The following MAP2 variants were observed in gnomAD, a reference collection of about 807,000 sequenced individuals.
MAP2 encodes the protein microtubule-associated protein 2.
A neutral mutation model predicts 137.6 loss-of-function variants in MAP2; 14 were observed. The ratio of observed to expected loss-of-function variants is 0.10; its 90% confidence interval spans 0.07 to 0.16. The LOEUF (loss-of-function observed/expected upper bound fraction) is 0.16, where lower values mean the gene tolerates loss of function less well. Among genes scored for constraint, MAP2 ranks in the 10% least tolerant of loss-of-function variants. The pLI is 1.00. For synonymous variants in MAP2, 786 were observed against 782.3 expected, an observed-to-expected ratio of 1.00 and a Z score of -0.08; for missense variants, 2,088 against 2,191.5, an observed-to-expected ratio of 0.95 and a Z score of 0.94.
intron 5 of MAP2, among the ~76,000 whole-genome samples, chr2:209,669,962 G>A (rs2048084043): frequency 6.6e-6 from 1 of 151,914 alleles, no homozygotes; most frequent in African/African-American, 2.4e-5. Context: ...CTTTAGCAAT[G>A]TGATGTATTT....
chr2:209,688,690 G>A (rs1397022936), intron 7 of MAP2, among the ~76,000 whole-genome samples: 1 of 152,118 alleles, frequency 6.6e-6, no homozygotes, highest in Non-Finnish European at 1.5e-5. Context: ...ATAAGTAGGT[G>A]ATGGGCTGCA....
At chr2:209,581,418 C>A (rs994850207) in intron 3 of MAP2, among the ~76,000 whole-genome samples, 1 of 152,130 alleles carries the variant, frequency 6.6e-6, no homozygotes, top group African/African-American at 2.4e-5. Flanking sequence ...AAAGCTAATA[C>A]TAGTCTTGAG....
At chr2:209,580,344 T>G (rs946658170) in intron 3 of MAP2, among the ~76,000 whole-genome samples, 2 of 152,206 alleles carry the variant, frequency 1.3e-5, no homozygotes, top group Non-Finnish European at 2.9e-5. Context: ...TCAACATGTT[T>G]GGCTTATTTG....
At position 209,458,567 on chromosome 2, in the gene MAP2, G is replaced by A. The variant is rs867136115; in HGVS notation, c.-222+34291G>A. Among the ~76,000 whole-genome samples, 8 of 152,206 alleles carry A rather than the reference G, an allele frequency of 5.3e-5. 1 individual carries two copies. The South Asian group carries it at 1.2e-3, about 24-fold the overall frequency. On this transcript the variant is annotated intron_variant, in intron 1 of 15. Transcript: ENST00000682079. ...TGCCTATTGAGAGATAGTTGAGACT[G>A]CCTAAAGGGGATGGTCACTGTATTT...
chr2:209,690,088 T>A lies in MAP2; in HGVS notation c.455-2537T>A, dbSNP rs969865792. 1.1e-4 allele frequency among the ~76,000 whole-genome samples: 16 copies of A among 152,292 alleles called. No individual in the cohort carries two copies. The South Asian group carries it at 1.2e-3, about 12-fold the overall frequency. On this transcript the variant is annotated intron_variant, in intron 7 of 15. Transcript: ENST00000682079. The stretch of plus-strand genomic sequence containing the variant: ...GCAAGGCTTTTTTTATTCCCAAAGA[T>A]TTCTTTAGCAAAATTTGCACATTTT...
chr2:209,591,307 T>G (rs895322884), intron 3 of MAP2, among the ~76,000 whole-genome samples: 7 of 152,210 alleles, frequency 4.6e-5, no homozygotes, highest in Non-Finnish European at 1.0e-4. Context: ...TGACATCTAA[T>G]GATTAGAGGT....
chr2:209,536,280 A>G (rs1205491272), intron 2 of MAP2, among the ~76,000 whole-genome samples: 2 of 152,196 alleles, frequency 1.3e-5, no homozygotes, highest in South Asian at 2.1e-4. Context: ...CTGTCATATT[A>G]TTATTATTGT....
intron 7 of MAP2, among the ~76,000 whole-genome samples, chr2:209,687,417 G>A (rs2057369846): frequency 1.3e-5 from 2 of 151,876 alleles, no homozygotes; most frequent in Admixed American, 6.6e-5. Flanking sequence ...TGGTTATTCT[G>A]ACTTGTTTGA....
At chr2:209,674,096 T>G (rs1189956625) in intron 5 of MAP2, among the ~76,000 whole-genome samples, 1 of 151,742 alleles carries the variant, frequency 6.6e-6, no homozygotes, top group Admixed American at 6.6e-5. Context: ...TTCTCTCATA[T>G]CTTTGCCTTG....
At position 209,540,630 on chromosome 2, in the gene MAP2, C is replaced by CAAAAAAAAAAA. The variant is rs749183996; in HGVS notation, c.-172+33011_-172+33021dup. On this transcript the variant is annotated intron_variant, in intron 2 of 15. Transcript: ENST00000682079. ...TGCGTGACTGAGTGAGACTCCGTCT[C>CAAAAAAAAAAA]AAAAAAAAAAAAAAAAAAAAAAAAA... Among the ~76,000 whole-genome samples the CAAAAAAAAAAA allele has an allele frequency of 1.9e-3, 53 of 27,590 alleles. 2 individuals carry two copies. Among genetic ancestry groups the CAAAAAAAAAAA allele is most frequent in the South Asian group, 6.6e-3 (3 of 452 alleles). 18.1% of individuals were successfully genotyped at this position (27,590 alleles called of 152,430 possible).
rs1374674964 is a variant in MAP2 at position 209,593,635 on chromosome 2, ATATATAT to A, written c.-107+13536_-107+13542del. On this transcript the variant is annotated intron_variant, in intron 3 of 15. Coordinates refer to ENST00000682079, the MANE Select transcript of MAP2 (RefSeq NM_001375505.1). ...CTGTCTCTACAAAAAAAAAAAAAAA[ATATATAT>A]ATATATATATATATATATATATATA... is the stretch of plus-strand genomic sequence containing the variant. Among the ~76,000 whole-genome samples the A allele has an allele frequency of 3.9e-3, 95 of 24,056 alleles. 7 individuals carry two copies. Among genetic ancestry groups the A allele is most frequent in the African/African-American group, 8.7e-3 (44 of 5,086 alleles). The allele number at this position is 24,056 out of a possible 152,430, so 15.8% of individuals were successfully genotyped here.
chr2:209,559,783 ACT>A (rs142693109), intron 2 of MAP2, among the ~76,000 whole-genome samples: 1,662 of 149,466 alleles, frequency 0.011, 29 homozygotes, highest in African/African-American at 0.04. Flanking sequence ...ATGTCCAGAG[ACT>A]CTTTGTATTT....
chr2:209,727,037 T>C (rs1461032869), intron 14 of MAP2, among the ~76,000 whole-genome samples: 1 of 152,078 alleles, frequency 6.6e-6, no homozygotes, highest in African/African-American at 2.4e-5. Flanking sequence ...AAAACAAAGA[T>C]AGGTAGAATA....
chr2:209,492,705 T>C (rs2059271650), intron 1 of MAP2, among the ~76,000 whole-genome samples: 1 of 152,000 alleles, frequency 6.6e-6, no homozygotes, highest in African/African-American at 2.4e-5. Context: ...ATAAAGAGAA[T>C]AAAATACCTA....
At chr2:209,720,638 CAAAAA>C in intron 13 of MAP2, among the ~76,000 whole-genome samples, 1 of 72,802 alleles carries the variant, frequency 1.4e-5, no homozygotes, top group African/African-American at 4.8e-5. Flanking sequence ...TACTTGGTCT[CAAAAA>C]AAAAAAAAAA....
chr2:209,717,752 G>A (rs181683065), intron 13 of MAP2, among the ~76,000 whole-genome samples: 6 of 152,048 alleles, frequency 3.9e-5, no homozygotes, highest in Admixed American at 6.6e-5. Context: ...AAGATTGCTG[G>A]GCATTAAATG....
chr2:209,589,071 G>A (rs1054159099), intron 3 of MAP2, among the ~76,000 whole-genome samples: 1 of 151,994 alleles, frequency 6.6e-6, no homozygotes, highest in African/African-American at 2.4e-5. Flanking sequence ...AGCTCCCTAT[G>A]TTATGTTCAC....
rs187245807 is a variant in MAP2 at position 209,432,389 on chromosome 2, T to C, written c.-222+8113T>C. Among the ~76,000 whole-genome samples, 11 of 152,274 alleles carry C rather than the reference T, an allele frequency of 7.2e-5. No homozygotes were observed. The East Asian group carries it at 2.1e-3, about 29-fold the overall frequency. On this transcript the variant is annotated intron_variant, in intron 1 of 15. Coordinates refer to ENST00000682079, the MANE Select transcript of MAP2 (RefSeq NM_001375505.1). Reference sequence around the variant, plus strand: ...TGCATATTAAATAAGAATTGGGTGTTGCTGTGGTTCCTGTGTTCAGCAGAG... The same window carrying C: ...TGCATATTAAATAAGAATTGGGTGTCGCTGTGGTTCCTGTGTTCAGCAGAG...
chr2:209,554,658 G>A (rs2070079419), intron 2 of MAP2, among the ~76,000 whole-genome samples: 1 of 152,008 alleles, frequency 6.6e-6, no homozygotes, highest in African/African-American at 2.4e-5. Context: ...GCTGAGGTGG[G>A]AGGACTGATA....
Sources: allele counts gnomAD v4.1 joint callset (sites outside exome capture counted in the v4.1 genomes callset), GRCh38; gene constraint gnomAD v4.1.1; transcripts MANE v1.5; gene names NCBI Gene and HGNC (gene_info 2026-07-23, HGNC 2026-07-21).